The following COLGALT2 variants were observed in gnomAD, a reference collection of about 807,000 sequenced individuals.
COLGALT2 encodes the protein collagen beta(1-O)galactosyltransferase 2.
Under a neutral mutation model 73.4 loss-of-function variants are expected in COLGALT2, and 49 were observed. The observed-to-expected ratio is 0.67, with a 90% CI of 0.53 to 0.85. The LOEUF is 0.85. Ranked by LOEUF, COLGALT2 falls within the 40% of genes least tolerant of loss-of-function variation. The pLI, the probability that COLGALT2 is intolerant of heterozygous loss-of-function variation, is 0.00. For synonymous variants in COLGALT2, 295 were observed against 307.6 expected, an observed-to-expected ratio of 0.96 and a Z score of 0.43; for missense variants, 722 against 790.2, an observed-to-expected ratio of 0.91 and a Z score of 1.03.
In COLGALT2 at chr1:183,938,907, C is replaced by T. The variant is rs376773025; in HGVS notation, c.1735G>A (p.Asp579Asn). 8.9e-5 allele frequency: 143 copies of T among 1,613,974 alleles called. No homozygotes were observed. Among genetic ancestry groups the T allele is most frequent in the Non-Finnish European group, 1.2e-4 (138 of 1,180,034 alleles). The change falls in exon 12 of 12, where the codon GAC becomes AAC. Residue 579 changes from aspartate to asparagine, a missense_variant. Coordinates refer to ENST00000361927, the MANE Select transcript of COLGALT2 (RefSeq NM_015101.4). ...CAGTCGGTGGCCACTGTCTCATTGT[C>T]CCAGATGGTGGAGGTCTCCGTGTCA... Reference protein sequence around the residue: ...LSDTETSTIWDNETVATDWDR... With the variant: ...LSDTETSTIWNNETVATDWDR...
chr1:184,036,631 G>A (rs1649686649), intron 1 of COLGALT2, among the ~76,000 whole-genome samples: 2 of 152,256 alleles, frequency 1.3e-5, no homozygotes, highest in Admixed American at 6.5e-5. Context: ...AGCCACTGCG[G>A]AGCCCCTGGC....
intron 5 of COLGALT2, among the ~76,000 whole-genome samples, chr1:183,965,718 A>C (rs540182380): frequency 7.9e-5 from 12 of 152,218 alleles, no homozygotes; most frequent in Non-Finnish European, 1.3e-4. Flanking sequence ...GTAATTAGTG[A>C]TTAGTTTTGG....
intron 5 of COLGALT2, among the ~76,000 whole-genome samples, chr1:183,966,795 G>A (rs915513349): frequency 6.6e-6 from 1 of 152,150 alleles, no homozygotes; most frequent in Non-Finnish European, 1.5e-5. Flanking sequence ...ACAGAGACGC[G>A]CCTATGACCA....
At chr1:183,939,089 G>A (rs377370809) in intron 11 of COLGALT2, 52 bp from the exon 12 acceptor site, 46 of 1,407,770 alleles carry the variant, frequency 3.3e-5, no homozygotes, top group African/African-American at 5.7e-5. Flanking sequence ...GGAGACTTAC[G>A]GAACAGGGAC....
intron 2 of COLGALT2, among the ~76,000 whole-genome samples, chr1:183,977,801 GGAAAGAGA>G (rs781570716): frequency 1.7e-3 from 212 of 125,602 alleles, no homozygotes; most frequent in Middle Eastern, 7.5e-3. Context: ...AAAGAAAGAA[GGAAAGAGA>G]GAAAGAGAGA....
rs758559071 is a variant in COLGALT2 at position 183,975,146 on chromosome 1, C to T, written c.443G>A (p.Arg148Gln). 10 of 1,613,970 alleles carry T rather than the reference C, an allele frequency of 6.2e-6. No individual in the cohort carries two copies. Among genetic ancestry groups the T allele is most frequent in the African/African-American group, 1.3e-5 (1 of 74,900 alleles). The part of the protein sequence containing the change: ...TSRFAHVMKL[R>Q]QAALRTAREK... ...CCTCGCAGTTCGAAGGGCTGCCTGT[C>T]GTAGTTTCATCACATGGGCAAACCG... Residue 148 changes from arginine to glutamine, a missense_variant, in exon 3 of 12, where the codon CGA (arginine) becomes CAA (glutamine). Transcript: ENST00000361927.
Position 183,966,945 on chromosome 1 carries a change from G to C in COLGALT2, c.832+2324C>G, listed in dbSNP as rs187525870. On this transcript the variant is annotated intron_variant, in intron 5 of 11. Transcript: ENST00000361927. ...TTAGGACCAAGGTTTGTGGTTGGAT[G>C]GTCCTGCCTGGGACATAGATGATAC... Among the ~76,000 whole-genome samples the C allele has an allele frequency of 5.3e-5, 8 of 152,298 alleles. No individual in the cohort carries two copies. In the East Asian group the frequency reaches 1.2e-3, roughly 22 times the overall value.
intron 1 of COLGALT2, among the ~76,000 whole-genome samples, chr1:184,035,323 C>A (rs1478262351): frequency 6.6e-6 from 1 of 152,204 alleles, no homozygotes; most frequent in African/African-American, 2.4e-5. Context: ...TCCCAAGCAA[C>A]CAGCCCCAAA....
At chr1:183,947,349 A>G (rs906619082) in intron 8 of COLGALT2, among the ~76,000 whole-genome samples, 1 of 152,206 alleles carries the variant, frequency 6.6e-6, no homozygotes, top group Non-Finnish European at 1.5e-5. Flanking sequence ...TAGACCATAA[A>G]GACCATATAG....
At chr1:183,956,986 A>G (rs1170342414) in intron 6 of COLGALT2, among the ~76,000 whole-genome samples, 1 of 152,046 alleles carries the variant, frequency 6.6e-6, no homozygotes, top group African/African-American at 2.4e-5. Flanking sequence ...ATCTTTCATA[A>G]TTGATCTGGT....
At position 183,937,531 on chromosome 1, in the gene COLGALT2, C is replaced by T. The variant is rs1364810649; in HGVS notation, c.*1230G>A. ...TTGCTGGCCTAAATCAGGTGACCAGCCCTTTGTTTCTGACCAGGTTTCTCA... is the reference window on the plus strand; with the variant it reads ...TTGCTGGCCTAAATCAGGTGACCAGTCCTTTGTTTCTGACCAGGTTTCTCA... On this transcript the variant is annotated 3_prime_UTR_variant, in exon 12 of 12. Coordinates refer to ENST00000361927, the MANE Select transcript of COLGALT2 (RefSeq NM_015101.4). 1 of 985,374 alleles carries T rather than the reference C, an allele frequency of 1.0e-6. No individual in the cohort carries two copies. The highest frequency in any genetic ancestry group is 1.2e-6 in the Non-Finnish European group (1 of 829,948). The allele number at this position is 985,374 out of a possible 1,614,324, so 61.0% of individuals were successfully genotyped here.
At chr1:183,955,790 GT>G (rs1670536937) in intron 6 of COLGALT2, among the ~76,000 whole-genome samples, 1 of 152,234 alleles carries the variant, frequency 6.6e-6, no homozygotes, top group African/African-American at 2.4e-5. Flanking sequence ...TAACTGGGTT[GT>G]TGAAAGAACT....
In COLGALT2 at chr1:184,017,708, A is replaced by G. The variant is rs948280398; in HGVS notation, c.263+19387T>C. ...CACAGATTTTACCAAAACAAATGTG[A>G]ATACATTGTGATGGGCCCCTGGAGC... On this transcript the variant is annotated intron_variant, in intron 1 of 11. Transcript: ENST00000361927. 6.6e-5 allele frequency among the ~76,000 whole-genome samples: 10 copies of G among 152,316 alleles called. No individual in the cohort carries two copies. In the East Asian group the frequency reaches 1.9e-3, roughly 29 times the overall value.
At position 183,951,127 on chromosome 1, in the gene COLGALT2, G is replaced by A. The variant is rs2102796130; in HGVS notation, c.1030-14C>T. 1.3e-6 allele frequency: 2 copies of A among 1,570,212 alleles called. No homozygotes were observed. The highest frequency in any genetic ancestry group is 1.8e-6 in the Non-Finnish European group (2 of 1,140,072). ...TATCATGAAAATCTAATGCAAGAAG[G>A]AAAAGGGAAAAGACACATAAATTAC... is the stretch of plus-strand genomic sequence containing the variant. On this transcript the variant is annotated splice_polypyrimidine_tract_variant and intron_variant, in intron 7 of 11. Coordinates refer to ENST00000361927, the MANE Select transcript of COLGALT2 (RefSeq NM_015101.4).
At chr1:183,994,287 C>T (rs1215351256) in intron 1 of COLGALT2, among the ~76,000 whole-genome samples, 1 of 152,108 alleles carries the variant, frequency 6.6e-6, no homozygotes, top group East Asian at 1.9e-4. Flanking sequence ...ATCCACCCAC[C>T]TCGGCCTCCC....
intron 1 of COLGALT2, among the ~76,000 whole-genome samples, chr1:184,015,760 G>A (rs1648977722): frequency 6.6e-6 from 1 of 152,200 alleles, no homozygotes; most frequent in Non-Finnish European, 1.5e-5. Context: ...TTTAGTGCCA[G>A]ATGACAAGCC....
At chr1:183,963,877 C>T (rs1339844685) in intron 6 of COLGALT2, 24 bp downstream of exon 6, 1 of 1,557,936 alleles carries the variant, frequency 6.4e-7, no homozygotes, top group Admixed American at 1.8e-5. Flanking sequence ...CGAGAGCCAT[C>T]CCCTCTGCTC....
chr1:183,973,623 G>C lies in COLGALT2; in HGVS notation c.620C>G (p.Thr207Ser), dbSNP rs942496699. ...GLYSNFWCGI[T>S]PKGFYKRTPD... ...TTTAAGCAAAAGACTTGCCTTAGGG[G>C]TGATTCCGCACCAGAAATTAGAATA... Residue 207 changes from threonine (T) to serine (S), a missense_variant, in exon 4 of 12, where the codon ACC (threonine) becomes AGC (serine). Coordinates refer to ENST00000361927, the MANE Select transcript of COLGALT2 (RefSeq NM_015101.4). 2 of 1,613,902 alleles carry C rather than the reference G, an allele frequency of 1.2e-6. No homozygotes were observed. Among genetic ancestry groups the C allele is most frequent in the African/African-American group, 1.3e-5 (1 of 74,878 alleles).
chr1:184,003,698 T>C (rs894955739), intron 1 of COLGALT2, among the ~76,000 whole-genome samples: 1 of 152,240 alleles, frequency 6.6e-6, no homozygotes, highest in African/African-American at 2.4e-5. Context: ...ACAGATAGTA[T>C]GTTTTTAAAG....
Sources: allele counts gnomAD v4.1 joint callset (sites outside exome capture counted in the v4.1 genomes callset), GRCh38; gene constraint gnomAD v4.1.1; transcripts MANE v1.5; gene names NCBI Gene and HGNC (gene_info 2026-07-23, HGNC 2026-07-21).